Variants in RC3H2 observed in about 807,000 individuals in gnomAD.
RC3H2 encodes the protein roquin-2.
Under a neutral mutation model 133.3 loss-of-function variants are expected in RC3H2, and 31 were observed. The observed-to-expected ratio is 0.23, with a 90% CI of 0.17 to 0.31. The LOEUF (loss-of-function observed/expected upper bound fraction) is 0.31. RC3H2 is among the 10% of genes least tolerant of loss of function. RC3H2 has a pLI of 1.00. For synonymous variants in RC3H2, 517 were observed against 502.2 expected (o/e 1.03, Z -0.40); for missense variants, 1,175 against 1,437.2 (o/e 0.82, Z 2.95).
intron 4 of RC3H2, among the ~76,000 whole-genome samples, chr9:122,889,160 T>G (rs578241274): frequency 6.6e-6 from 1 of 152,176 alleles, no homozygotes; most frequent in Non-Finnish European, 1.5e-5. Context: ...TTTTCCCCAG[T>G]TGGTCTTCTT....
chr9:122,868,741 AAAATAAAT>A (rs201602026), intron 9 of RC3H2, among the ~76,000 whole-genome samples: 59 of 151,778 alleles, frequency 3.9e-4, no homozygotes, highest in African/African-American at 1.3e-3. Context: ...TGATCAATAA[AAAATAAAT>A]AAATAAATAA....
At chr9:122,875,012 C>A in intron 9 of RC3H2, 1 of 733,220 alleles carries the variant, frequency 1.4e-6, no homozygotes, top group Non-Finnish European at 2.0e-6. Flanking sequence ...CTTTTTTAGT[C>A]GAACTTTCTC....
chr9:122,875,019 T>C (rs995341433), intron 9 of RC3H2: 9 of 779,316 alleles, frequency 1.2e-5, no homozygotes, highest in African/African-American at 5.2e-5. Flanking sequence ...AGTCGAACTT[T>C]CTCAAAAGCT....
In RC3H2 at chr9:122,885,218, A is replaced by G. The variant is rs555875452; in HGVS notation, c.584-1839T>C. ...AGTATTAAAAGGAAAGGAGCATAAAACAAGCAACCTACTCTCAAATGGTTC... is the reference window on the plus strand; with the variant it reads ...AGTATTAAAAGGAAAGGAGCATAAAGCAAGCAACCTACTCTCAAATGGTTC... On this transcript the variant is annotated intron_variant, in intron 4 of 20. Transcript: ENST00000357244. Among the ~76,000 whole-genome samples, 9 of 152,336 alleles carry G rather than the reference A, an allele frequency of 5.9e-5. No individual in the cohort carries two copies. The South Asian group carries it at 1.9e-3, about 32-fold the overall frequency.
intron 1 of RC3H2, among the ~76,000 whole-genome samples, chr9:122,904,762 G>T (rs1028588982): frequency 1.3e-5 from 2 of 152,194 alleles, no homozygotes; most frequent in African/African-American, 4.8e-5. Context: ...TTGGTTTCGA[G>T]GACCTCTTCC....
chr9:122,860,683 G>A (rs931805827), intron 10 of RC3H2, among the ~76,000 whole-genome samples: 2 of 151,658 alleles, frequency 1.3e-5, no homozygotes, highest in African/African-American at 2.4e-5. Context: ...CAAAGTGCTG[G>A]CATTACAGGC....
chr9:122,854,397 TA>T (rs1308463854), intron 16 of RC3H2, 131 bp from the exon 17 acceptor site: 30 of 1,176,716 alleles, frequency 2.5e-5, no homozygotes, highest in Non-Finnish European at 3.4e-5. Context: ...TAAATGCAAA[TA>T]TTTTTCAGAA....
At chr9:122,874,355 G>A (rs969498118) in intron 9 of RC3H2, 9 of 151,994 alleles carry the variant, frequency 5.9e-5, no homozygotes, top group African/African-American at 2.2e-4. Context: ...TAGTGGAAAT[G>A]GAAAAGACAG....
intron 1 of RC3H2, among the ~76,000 whole-genome samples, chr9:122,904,241 G>T (rs1832759050): frequency 1.3e-5 from 2 of 152,246 alleles, no homozygotes; most frequent in South Asian, 4.1e-4. Context: ...GAACCCAAGG[G>T]TTATGAAAAT....
At chr9:122,886,061 T>C (rs538092939) in intron 4 of RC3H2, among the ~76,000 whole-genome samples, 1 of 152,272 alleles carries the variant, frequency 6.6e-6, no homozygotes, top group South Asian at 2.1e-4. Flanking sequence ...CTAATTTTTT[T>C]CTATTTTCAG....
chr9:122,903,943 G>A (rs568866927), intron 1 of RC3H2, among the ~76,000 whole-genome samples: 66 of 152,272 alleles, frequency 4.3e-4, no homozygotes, highest in Middle Eastern at 3.4e-3. Flanking sequence ...ATCGTAAAAA[G>A]CTTTTAACTA....
chr9:122,871,856 A>G (rs999317361), intron 9 of RC3H2, among the ~76,000 whole-genome samples: 7 of 152,076 alleles, frequency 4.6e-5, no homozygotes, highest in Admixed American at 1.3e-4. Flanking sequence ...ACACTGTCTC[A>G]TAACATCCCA....
At chr9:122,879,280 G>C (rs776991774) in intron 8 of RC3H2, among the ~76,000 whole-genome samples, 3 of 151,820 alleles carry the variant, frequency 2.0e-5, no homozygotes, top group Admixed American at 1.3e-4. Context: ...TGTAATCCCA[G>C]TTACTTGGGA....
Position 122,892,972 on chromosome 9 carries a change from C to T in RC3H2, c.286G>A (p.Glu96Lys). 6.2e-7 allele frequency: 1 copy of T among 1,612,386 alleles called. No homozygotes were observed. Among genetic ancestry groups the T allele is most frequent in the Non-Finnish European group, 8.5e-7 (1 of 1,179,816 alleles). ...LSNLGENKHY[E>K]VAKKCVEDLA... ...TCCTCAACGCATTTCTTTGCAACCT[C>T]ATAGTGTTTATTCTCACCTAGATTA... The change falls in exon 3 of 21, where the codon GAG (glutamate) becomes AAG (lysine). Residue 96 changes from glutamate (E) to lysine (K), a missense_variant. Physicochemically the swap from Glu to Lys is moderately conservative, Grantham distance 56. Coordinates refer to ENST00000357244, the MANE Select transcript of RC3H2 (RefSeq NM_001100588.3).
At chr9:122,856,015 A>AAAT in intron 13 of RC3H2, 137 bp from the exon 14 acceptor site, 1 of 632,420 alleles carries the variant, frequency 1.6e-6, no homozygotes, top group Non-Finnish European at 2.5e-6. Flanking sequence ...CTAATATAAA[A>AAAT]AACTGTAATA....
intron 8 of RC3H2, 131 bp from the exon 9 acceptor site, chr9:122,877,714 A>G (rs1831402540): frequency 1.5e-6 from 1 of 684,072 alleles, no homozygotes; most frequent in Non-Finnish European, 2.5e-6. Flanking sequence ...TCTTGTGCTG[A>G]AACAACTAAT....
At position 122,858,717 on chromosome 9, in the gene RC3H2, C is replaced by T. The variant is rs767026948; in HGVS notation, c.2235G>A (p.Val745=). 5 of 1,613,354 alleles carry T rather than the reference C, an allele frequency of 3.1e-6. No individual in the cohort carries two copies. In the Admixed American group the frequency reaches 5.0e-5, roughly 16 times the overall value. The change falls in exon 12 of 21, where the codon GTG becomes GTA. Residue 745 remains valine (V), a synonymous_variant. Transcript: ENST00000357244. ...RYNSLDGYYS[V]ACQPPSEPRT... ...TTGGCTCACTTGGTGGCTGACAAGC[C>T]ACCGAATAATATCCATCTAATGAGT...
Position 122,847,372 on chromosome 9 carries a change from T to G in RC3H2, c.*2255A>C, listed in dbSNP as rs998202732. 1.3e-5 allele frequency: 2 copies of G among 152,120 alleles called. No individual in the cohort carries two copies. The highest frequency in any genetic ancestry group is 2.9e-5 in the Non-Finnish European group (2 of 67,986). The allele number at this position is 152,120 out of a possible 1,614,324, so 9.4% of individuals were successfully genotyped here. ...AGAGGGTTCTTTCCCTGAGGGCACA[T>G]AAGGAGCTCTCAAACTGTTAATAGG... On this transcript the variant is annotated 3_prime_UTR_variant, in exon 21 of 21. Coordinates refer to ENST00000357244, the MANE Select transcript of RC3H2 (RefSeq NM_001100588.3).
At position 122,897,180 on chromosome 9, in the gene RC3H2, T is replaced by G. The variant is rs907791197; in HGVS notation, c.231+99A>C. 4.6e-5 allele frequency: 45 copies of G among 988,254 alleles called. No homozygotes were observed. The African/African-American group carries it at 7.0e-4, about 15-fold the overall frequency. 61.2% of individuals were successfully genotyped at this position (988,254 alleles called of 1,614,324 possible). The stretch of plus-strand genomic sequence containing the variant: ...TGTTGGGCCGCATTCAAAGATGTCC[T>G]GGGCCACATGTAGCCTGCAGGCTGG... On this transcript the variant is annotated intron_variant, in intron 2 of 20. Transcript: ENST00000357244.
Sources: allele counts gnomAD v4.1 joint callset (sites outside exome capture counted in the v4.1 genomes callset), GRCh38; gene constraint gnomAD v4.1.1; transcripts MANE v1.5; gene names NCBI Gene and HGNC (gene_info 2026-07-23, HGNC 2026-07-21).